Variants in CLVS1 observed in about 807,000 individuals in gnomAD.
The protein encoded by CLVS1 is clavesin 1.
A neutral mutation model predicts 33.1 loss-of-function variants in CLVS1; 10 were observed. The ratio of observed to expected loss-of-function variants is 0.30; its 90% CI spans 0.19 to 0.51. The LOEUF (loss-of-function observed/expected upper bound fraction) is 0.51, where lower values mean the gene tolerates loss of function less well. Among genes scored for constraint, CLVS1 ranks in the 20% least tolerant of loss-of-function variants. The pLI is 0.97. For missense variants in CLVS1, 343 were observed against 433.4 expected, an observed-to-expected ratio of 0.79 and a Z score of 1.85; for synonymous variants, 163 against 166.1, an observed-to-expected ratio of 0.98 and a Z score of 0.14.
intron 5 of CLVS1, among the ~76,000 whole-genome samples, chr8:61,459,500 C>A (rs1396192414): frequency 7.0e-6 from 1 of 142,194 alleles, no homozygotes; most frequent in Non-Finnish European, 1.5e-5. Context: ...CCCTCGCCCC[C>A]CTCCTACTCT....
chr8:60,980,171 A>G, the CLVS1 span, among the ~76,000 whole-genome samples: 1 of 152,192 alleles, frequency 6.6e-6, no homozygotes, highest in Non-Finnish European at 1.5e-5. Flanking sequence ...CAAAGCGTGT[A>G]TTTTATTCAT....
intron 2 of CLVS1, among the ~76,000 whole-genome samples, chr8:61,165,721 C>T (rs1017238966): frequency 6.6e-5 from 10 of 152,190 alleles, no homozygotes; most frequent in Admixed American, 2.0e-4. Flanking sequence ...ATAAAACTAA[C>T]CTGCACCCCG....
At chr8:61,193,083 C>T (rs574071751) in intron 2 of CLVS1, among the ~76,000 whole-genome samples, 24 of 152,216 alleles carry the variant, frequency 1.6e-4, no homozygotes, top group South Asian at 1.0e-3. Context: ...ATGTTTACTG[C>T]GGCACTATTC....
At chr8:61,183,722 T>G (rs1044538153) in intron 2 of CLVS1, among the ~76,000 whole-genome samples, 1 of 152,192 alleles carries the variant, frequency 6.6e-6, no homozygotes, top group Non-Finnish European at 1.5e-5. Context: ...CAACTCCTAT[T>G]TCTCACTCTA....
intron 1 of CLVS1, among the ~76,000 whole-genome samples, chr8:61,096,568 C>A (rs1312711585): frequency 2.0e-5 from 3 of 152,088 alleles, no homozygotes; most frequent in Non-Finnish European, 4.4e-5. Flanking sequence ...TAAAGCGAAG[C>A]CTGGAGAAAA....
chr8:61,111,058 T>C (rs1805615991), intron 1 of CLVS1, among the ~76,000 whole-genome samples: 1 of 152,174 alleles, frequency 6.6e-6, no homozygotes, highest in Non-Finnish European at 1.5e-5. Context: ...TACCCAGAGA[T>C]TGGATTGCTG....
chr8:61,193,009 C>T (rs954234539), intron 2 of CLVS1, among the ~76,000 whole-genome samples: 1 of 152,130 alleles, frequency 6.6e-6, no homozygotes, highest in Non-Finnish European at 1.5e-5. Flanking sequence ...ACCCAGCCAT[C>T]CTATTACTGG....
the CLVS1 span, among the ~76,000 whole-genome samples, chr8:60,988,582 T>C: frequency 6.6e-6 from 1 of 152,240 alleles, no homozygotes. Flanking sequence ...TAAAATTTAT[T>C]CTCAATACTA....
intron 2 of CLVS1, among the ~76,000 whole-genome samples, chr8:61,158,914 C>T: frequency 6.6e-6 from 1 of 152,242 alleles, no homozygotes. Flanking sequence ...GCCACCTCAA[C>T]CTCCTGGGCC....
At chr8:60,983,523 A>C in the CLVS1 span, among the ~76,000 whole-genome samples, 1 of 152,192 alleles carries the variant, frequency 6.6e-6, no homozygotes, top group African/African-American at 2.4e-5. Context: ...TTCAATGATC[A>C]TCTGTCCTAG....
At chr8:61,223,818 G>T (rs1043941484) in intron 2 of CLVS1, among the ~76,000 whole-genome samples, 4 of 151,868 alleles carry the variant, frequency 2.6e-5, no homozygotes, top group Admixed American at 2.6e-4. Context: ...ATCAATTGTT[G>T]GTTTGCTCTG....
At chr8:61,201,960 G>A (rs2931324) in intron 2 of CLVS1, among the ~76,000 whole-genome samples, 46,349 of 151,972 alleles carry the variant, frequency 0.3, 7,232 homozygotes, top group Admixed American at 0.35. Context: ...TGCTGTGTCT[G>A]GTTTCCATCG....
the CLVS1 span, among the ~76,000 whole-genome samples, chr8:61,014,239 G>A: frequency 6.6e-6 from 1 of 152,070 alleles, no homozygotes; most frequent in East Asian, 1.9e-4. Flanking sequence ...ATTCCCCCTT[G>A]TGGAGCTGGT....
rs1816622178 is a variant in CLVS1, at chr8:61,443,002, T to A, written c.631-11139T>A. On this transcript the variant is annotated intron_variant, in intron 3 of 5. Transcript: ENST00000325897. ...CTAATGGTTAATGATGTGAAATATC[T>A]TCTCATGTACTTATTTGACATCTTA... Among the ~76,000 whole-genome samples the A allele has an allele frequency of 2.0e-5, 3 of 152,322 alleles. No homozygotes were observed. The Middle Eastern group carries it at 0.01, about 518-fold the overall frequency.
At chr8:61,169,197 C>T (rs962891254) in intron 2 of CLVS1, among the ~76,000 whole-genome samples, 5 of 152,230 alleles carry the variant, frequency 3.3e-5, no homozygotes, top group African/African-American at 1.2e-4. Flanking sequence ...AGGGGTATGG[C>T]AGGGCACAGA....
chr8:61,167,434 G>A (rs1349224145), intron 2 of CLVS1, among the ~76,000 whole-genome samples: 5 of 151,848 alleles, frequency 3.3e-5, no homozygotes, highest in Admixed American at 6.6e-5. Flanking sequence ...CACCCGCCTC[G>A]GCCTCCCAAA....
At chr8:61,070,086 C>T (rs1300728019) in intron 1 of CLVS1, among the ~76,000 whole-genome samples, 2 of 152,216 alleles carry the variant, frequency 1.3e-5, no homozygotes, top group Non-Finnish European at 2.9e-5. Context: ...AGCCACAGTG[C>T]CTGGCCTCTC....
intron 4 of CLVS1, among the ~76,000 whole-genome samples, chr8:61,456,870 A>G (rs2129607114): frequency 6.7e-6 from 1 of 149,940 alleles, no homozygotes; most frequent in African/African-American, 2.5e-5. Flanking sequence ...GTGAGCCGAG[A>G]TTGCACCACT....
At chr8:61,217,075 A>G (rs1808105297) in intron 2 of CLVS1, among the ~76,000 whole-genome samples, 1 of 152,176 alleles carries the variant, frequency 6.6e-6, no homozygotes, top group African/African-American at 2.4e-5. Context: ...ATTTATTGAA[A>G]TCTCAGCTCC....
Sources: gnomAD v4.1 joint callset for allele counts (sites outside exome capture counted in the v4.1 genomes callset) on GRCh38, gnomAD v4.1.1 for gene constraint, MANE v1.5 for transcripts, NCBI Gene and HGNC (gene_info 2026-07-23, HGNC 2026-07-21) for gene names.